The following PDE1A variants were observed in gnomAD, a reference collection of about 807,000 sequenced individuals.
The protein encoded by PDE1A is phosphodiesterase 1A, also known as dual specificity calcium/calmodulin-dependent 3',5'-cyclic nucleotide phosphodiesterase 1A.
Under a neutral mutation model 61.7 loss-of-function variants are expected in PDE1A, and 35 were observed. The ratio of observed to expected loss-of-function variants is 0.57; its 90% confidence interval spans 0.43 to 0.75. The LOEUF (loss-of-function observed/expected upper bound fraction) is 0.75, where lower values mean the gene tolerates loss of function less well. Ranked by LOEUF, PDE1A falls within the 30% of genes least tolerant of loss-of-function variation. PDE1A has a pLI of 0.00. For missense variants in PDE1A, 597 were observed against 630.6 expected (o/e 0.95, Z 0.57); for synonymous variants, 232 against 213.2 (o/e 1.09, Z -0.77).
chr2:182,375,620 C>T (rs868634410), intron 1 of PDE1A, among the ~76,000 whole-genome samples: 1 of 152,150 alleles, frequency 6.6e-6, no homozygotes, highest in African/African-American at 2.4e-5. Flanking sequence ...AAAGTGCAAG[C>T]TGTAGGTGCA....
At chr2:182,692,144 T>A in the PDE1A span, among the ~76,000 whole-genome samples, 1 of 152,116 alleles carries the variant, frequency 6.6e-6, no homozygotes, top group Non-Finnish European at 1.5e-5. Flanking sequence ...GAACTAGACA[T>A]ACAATGTGAC....
In PDE1A at chr2:182,223,411, A is replaced by C. The variant is rs537128557; in HGVS notation, c.776+453T>G. Among the ~76,000 whole-genome samples the C allele has an allele frequency of 4.6e-5, 7 of 152,132 alleles. No homozygotes were observed. In the East Asian group the frequency reaches 1.3e-3, roughly 29 times the overall value. On this transcript the variant is annotated intron_variant, in intron 7 of 13. Coordinates refer to ENST00000351439, the Ensembl canonical transcript of PDE1A. ...ATTGTAACCATCATCAAATAATTTC[A>C]TTTTCTAGTTATTTTAAATTTAATA...
At chr2:182,554,033 A>G in the PDE1A span, among the ~76,000 whole-genome samples, 3 of 152,192 alleles carry the variant, frequency 2.0e-5, no homozygotes, top group Non-Finnish European at 4.4e-5. Context: ...TTTGTATTTC[A>G]GTAGATAACT....
At chr2:182,525,819 A>G (rs1229698114), upstream of PDE1A, among the ~76,000 whole-genome samples, 2 of 152,220 alleles carry the variant, frequency 1.3e-5, no homozygotes, top group African/African-American at 4.8e-5. Context: ...CCATCACTCA[A>G]TGACAAAGAT....
chr2:182,283,190 A>G (rs1347785990), intron 1 of PDE1A, among the ~76,000 whole-genome samples: 1 of 152,096 alleles, frequency 6.6e-6, no homozygotes, highest in Admixed American at 6.6e-5. Flanking sequence ...ATCACTGGAC[A>G]CTTGTTGAGT....
At chr2:182,626,772 CAT>C in the PDE1A span, among the ~76,000 whole-genome samples, 8 of 2,404 alleles carry the variant, frequency 3.3e-3, 2 homozygotes, top group East Asian at 0.012. Flanking sequence ...CATATATATA[CAT>C]ATATATACAT....
chr2:182,403,379 C>A (rs1458719318), intron 1 of PDE1A, among the ~76,000 whole-genome samples: 1 of 151,754 alleles, frequency 6.6e-6, no homozygotes, highest in Non-Finnish European at 1.5e-5. Flanking sequence ...GCGGGTGGAT[C>A]ACAAGGTCAG....
the PDE1A span, among the ~76,000 whole-genome samples, chr2:182,658,355 T>G: frequency 6.6e-6 from 1 of 152,214 alleles, no homozygotes; most frequent in African/African-American, 2.4e-5. Flanking sequence ...CATCATATGG[T>G]ATTTTTCTGT....
intron 2 of PDE1A, among the ~76,000 whole-genome samples, chr2:182,449,732 T>A (rs1001326930): frequency 6.6e-6 from 1 of 152,098 alleles, no homozygotes; most frequent in Non-Finnish European, 1.5e-5. Flanking sequence ...AAGACCCATA[T>A]TTGAATGTTG....
In PDE1A at chr2:182,246,394, CTTTTTTCTTTCTTTTT is replaced by C. The variant is rs1396303216; in HGVS notation, c.168-6118_168-6103del. Reference sequence around the variant, plus strand: ...TTTTTATTCTACTATAGTCTTTTTTCTTTTTTCTTTCTTTTTTTTTTTTTTTTTTGACAGAGTCTTG... The same window carrying C: ...TTTTTATTCTACTATAGTCTTTTTTCTTTTTTTTTTTTTGACAGAGTCTTG... On this transcript the variant is annotated intron_variant, in intron 2 of 13. Coordinates refer to ENST00000351439, the Ensembl canonical transcript of PDE1A. Among the ~76,000 whole-genome samples the C allele has an allele frequency of 4.7e-5, 5 of 105,384 alleles. 1 individual carries two copies. Among genetic ancestry groups the C allele is most frequent in the South Asian group, 3.5e-4 (1 of 2,864 alleles). The allele number at this position is 105,384 out of a possible 152,430, so 69.1% of individuals were successfully genotyped here. A position where few individuals can be genotyped will look rare whatever the true frequency, so the allele number is the denominator to read the frequency against.
chr2:182,487,838 T>C (rs1451184795), intron 2 of PDE1A, among the ~76,000 whole-genome samples: 1 of 152,148 alleles, frequency 6.6e-6, no homozygotes, highest in Non-Finnish European at 1.5e-5. Flanking sequence ...AACCAAAAAC[T>C]TTTACTTGGA....
chr2:182,250,700 G>A (rs1460857831), intron 2 of PDE1A, among the ~76,000 whole-genome samples: 1 of 152,112 alleles, frequency 6.6e-6, no homozygotes, highest in Non-Finnish European at 1.5e-5. Flanking sequence ...CTTTTGGGTG[G>A]AGAAGTCAGT....
chr2:182,235,375 C>G (rs952717559), intron 3 of PDE1A, among the ~76,000 whole-genome samples: 1 of 152,234 alleles, frequency 6.6e-6, no homozygotes, highest in Admixed American at 6.5e-5. Context: ...AACTCCTAAC[C>G]TCGTGATCCG....
At chr2:182,693,065 G>T in the PDE1A span, among the ~76,000 whole-genome samples, 1 of 152,030 alleles carries the variant, frequency 6.6e-6, no homozygotes, top group Non-Finnish European at 1.5e-5. Flanking sequence ...ACTCCAGCCT[G>T]GGTGACAGAG....
At chr2:182,269,668 T>C (rs1486932332) in intron 1 of PDE1A, among the ~76,000 whole-genome samples, 1 of 152,068 alleles carries the variant, frequency 6.6e-6, no homozygotes. Context: ...TCTATTTATA[T>C]AAAATTTGAG....
intron 1 of PDE1A, among the ~76,000 whole-genome samples, chr2:182,378,466 A>T (rs919949737): frequency 3.3e-5 from 5 of 152,182 alleles, no homozygotes; most frequent in African/African-American, 1.2e-4. Flanking sequence ...AGTACTTAAG[A>T]CCTGTGTTAT....
At chr2:182,349,951 A>G (rs1698765546) in intron 1 of PDE1A, among the ~76,000 whole-genome samples, 1 of 152,122 alleles carries the variant, frequency 6.6e-6, no homozygotes, top group Admixed American at 6.6e-5. Flanking sequence ...AAATGCACAA[A>G]TCTTAAGTTA....
intron 1 of PDE1A, among the ~76,000 whole-genome samples, chr2:182,357,108 C>A (rs1699233166): frequency 6.6e-6 from 1 of 151,470 alleles, no homozygotes; most frequent in Admixed American, 6.6e-5. Flanking sequence ...TGCAGCACAC[C>A]AACATGGCAC....
exon 11 of PDE1A, chr2:182,188,995 C>T (rs763764489): frequency 1.9e-6 from 3 of 1,611,694 alleles, no homozygotes; most frequent in South Asian, 2.2e-5. Context: ...GTGACTGGGC[C>T]ACCATGGTTG....
Sources: gnomAD v4.1 joint callset for allele counts (sites outside exome capture counted in the v4.1 genomes callset) on GRCh38, gnomAD v4.1.1 for gene constraint, MANE v1.5 for transcripts, NCBI Gene and HGNC (gene_info 2026-07-23, HGNC 2026-07-21) for gene names.